TRPV4: variants seen among roughly 807,000 people sequenced by gnomAD.
TRPV4 encodes OSM9-like transient receptor potential channel 4.
Under a neutral mutation model 84.1 loss-of-function variants are expected in TRPV4, and 58 were observed. That is an observed-to-expected ratio of 0.69 (90% CI 0.56 to 0.86). The LOEUF (loss-of-function observed/expected upper bound fraction) is 0.86. Among genes scored for constraint, TRPV4 ranks in the 40% least tolerant of loss-of-function variants. The probability of loss-of-function intolerance (pLI) is 0.00; values close to 1 mark genes in which losing one functional copy is unlikely to be tolerated. For synonymous variants in TRPV4, 489 were observed against 500.9 expected (o/e 0.98, Z 0.32); for missense variants, 879 against 1,181.1 (o/e 0.74, Z 3.75).
intron 1 of TRPV4, among the ~76,000 whole-genome samples, chr12:109,818,257 C>T (rs146349040): frequency 2.6e-3 from 390 of 152,218 alleles, no homozygotes; most frequent in African/African-American, 9.1e-3. Flanking sequence ...GGCCACCTCA[C>T]CAGGCCTGCA....
rs2136411722 is a variant in TRPV4, at chr12:109,783,624, G to A, written c.2613C>T (p.Leu871=). 1 of 1,613,390 alleles carries A rather than the reference G, an allele frequency of 6.2e-7. No individual in the cohort carries two copies. The highest frequency in any genetic ancestry group is 1.3e-5 in the African/African-American group (1 of 75,058). Residue 871 remains leucine, a synonymous_variant, in exon 16 of 16, where the codon CTC becomes CTT. Transcript: ENST00000261740. This position sits in a 1 kb window ranked among gnomAD's most constrained non-coding sequence, Gnocchi z 4.6. ...AGCTGGGGCTGGGCTGCAGTCCCTA[G>A]AGCGGGGCGTCATCAGTCCTCCACT... ...PRKWRTDDAP[L]
At chr12:109,826,405 C>A (rs1276345160) in intron 1 of TRPV4, among the ~76,000 whole-genome samples, 1 of 152,100 alleles carries the variant, frequency 6.6e-6, no homozygotes, top group Non-Finnish European at 1.5e-5. Flanking sequence ...AAGTCAGTCC[C>A]GGGGGAAAGG....
chr12:109,784,898 C>A (rs897156335), intron 14 of TRPV4, among the ~76,000 whole-genome samples: 114 of 144,222 alleles, frequency 7.9e-4, no homozygotes, highest in African/African-American at 2.5e-3. Flanking sequence ...TATACACACA[C>A]AAAAAATTTG....
chr12:109,805,520 C>T (rs1891065119), intron 3 of TRPV4, among the ~76,000 whole-genome samples: 1 of 152,160 alleles, frequency 6.6e-6, no homozygotes, highest in Non-Finnish European at 1.5e-5. Context: ...TCTAAATTGA[C>T]AATTGCCAAA....
intron 4 of TRPV4, among the ~76,000 whole-genome samples, chr12:109,801,517 A>G (rs560529264): frequency 1.1e-3 from 164 of 152,164 alleles, no homozygotes; most frequent in African/African-American, 3.8e-3. Flanking sequence ...CCCTTCCACA[A>G]TGATTGTAAG....
rs1267140270 is a variant in TRPV4, at chr12:109,786,665, G to T, written c.2336+45C>A. Reference sequence around the variant, plus strand: ...AGCAGCAGGGGCCCCGAGCCAGTGGGGACAGTTCCGCCCTGCCATCCTGGC... The same window carrying T: ...AGCAGCAGGGGCCCCGAGCCAGTGGTGACAGTTCCGCCCTGCCATCCTGGC... On this transcript the variant is annotated intron_variant, in intron 14 of 15. Transcript: ENST00000261740. This position sits in a 1 kb window ranked among gnomAD's most constrained non-coding sequence, Gnocchi z 4.5. 6.2e-7 allele frequency: 1 copy of T among 1,611,834 alleles called. No homozygotes were observed. Among genetic ancestry groups the T allele is most frequent in the Non-Finnish European group, 8.5e-7 (1 of 1,179,638 alleles).
In TRPV4 at chr12:109,784,320, G is replaced by C. The variant is rs1238590299; in HGVS notation, c.2454C>G (p.Arg818=). 1.9e-6 allele frequency: 3 copies of C among 1,614,030 alleles called. No homozygotes were observed. Among genetic ancestry groups the C allele is most frequent in the African/African-American group, 2.7e-5 (2 of 74,918 alleles). ...YGFSHTVGRL[R]RDRWSSVVPR... ...CGCACCCGCCCCTCCACTCACCCCT[G>C]CGGAGGCGGCCCACGGTATGCGAGA... The change falls in exon 15 of 16, where the codon CGC becomes CGG. Residue 818 remains arginine (R), a synonymous_variant. Coordinates refer to ENST00000261740, the MANE Select transcript of TRPV4 (RefSeq NM_021625.5).
intron 13 of TRPV4, 111 bp downstream of exon 13, chr12:109,788,289 T>G: frequency 9.6e-7 from 1 of 1,041,346 alleles, no homozygotes; most frequent in East Asian, 2.6e-5. Flanking sequence ...GGAGGGAGAA[T>G]GAGAAGACAC....
In TRPV4 at chr12:109,805,201, C is replaced by G. The variant is rs369534079; in HGVS notation, c.560-2058G>C. On this transcript the variant is annotated intron_variant, in intron 3 of 15. Coordinates refer to ENST00000261740, the MANE Select transcript of TRPV4 (RefSeq NM_021625.5). ...TGCTTTGCTCACTATCATTCGGCCT[C>G]TGCCAAGCACAGTGCCTGGTATGTG... Among the ~76,000 whole-genome samples the G allele has an allele frequency of 9.3e-4, 142 of 152,402 alleles. 1 individual carries two copies. Among genetic ancestry groups the G allele is most frequent in the African/African-American group, 3.2e-3 (135 of 41,602 alleles).
chr12:109,792,264 A>T, intron 12 of TRPV4, 99 bp downstream of exon 12: 18 of 887,422 alleles, frequency 2.0e-5, no homozygotes, highest in Non-Finnish European at 2.7e-5. Context: ...AAAAAAAAAA[A>T]AGAACTCAGC....
Position 109,802,988 on chromosome 12 carries a change from C to T in TRPV4, c.712+3G>A, listed in dbSNP as rs1266573967. ...GGCACCCCTGCCCAGCCCGGGGCCC[C>T]ACCTCGATAGTAGATGTCACGGAAG... On this transcript the variant is annotated splice_donor_region_variant and intron_variant, in intron 4 of 15. Coordinates refer to ENST00000261740, the MANE Select transcript of TRPV4 (RefSeq NM_021625.5). 1 of 1,613,836 alleles carries T rather than the reference C, an allele frequency of 6.2e-7. No individual in the cohort carries two copies. The highest frequency in any genetic ancestry group is 2.2e-5 in the East Asian group (1 of 44,882).
At chr12:109,811,672 GAA>G (rs59349237) in intron 2 of TRPV4, among the ~76,000 whole-genome samples, 5,060 of 149,632 alleles carry the variant, frequency 0.034, 100 homozygotes, top group Middle Eastern at 0.062. Context: ...AAAAAAAAAA[GAA>G]AAAGAGACAT....
chr12:109,813,951 T>C (rs1243174219), intron 2 of TRPV4, among the ~76,000 whole-genome samples: 1 of 151,026 alleles, frequency 6.6e-6, no homozygotes, highest in African/African-American at 2.4e-5. Context: ...GATGGAAGGA[T>C]GATGTATAAA....
At chr12:109,802,866 CCATT>C (rs1890889318) in intron 4 of TRPV4, 121 bp downstream of exon 4, 1 of 933,782 alleles carries the variant, frequency 1.1e-6, no homozygotes, top group Admixed American at 1.9e-5. Flanking sequence ...ATCCATCCAT[CCATT>C]TGTCAGGTCC....
In TRPV4 at chr12:109,783,970, A is replaced by C. The variant is rs977678768; in HGVS notation, c.2459-192T>G. Reference sequence around the variant, plus strand: ...CTCCCCAGGAGAGAATGGAGGAACCAGGATTCAAGCCTGGAGCCGAATGCC... The same window carrying C: ...CTCCCCAGGAGAGAATGGAGGAACCCGGATTCAAGCCTGGAGCCGAATGCC... On this transcript the variant is annotated intron_variant, in intron 15 of 15. Coordinates refer to ENST00000261740, the MANE Select transcript of TRPV4 (RefSeq NM_021625.5). The surrounding 1 kb of genome is among the most constrained non-coding windows in gnomAD (Gnocchi z 4.6). 6.6e-6 allele frequency among the ~76,000 whole-genome samples: 1 copy of C among 152,210 alleles called. No individual in the cohort carries two copies. Among genetic ancestry groups the C allele is most frequent in the African/African-American group, 2.4e-5 (1 of 41,446 alleles).
In TRPV4 at chr12:109,786,002, C is replaced by T. The variant is rs1211347972; in HGVS notation, c.2336+708G>A. Among the ~76,000 whole-genome samples, 1 of 152,040 alleles carries T rather than the reference C, an allele frequency of 6.6e-6. No homozygotes were observed. The highest frequency in any genetic ancestry group is 1.5e-5 in the Non-Finnish European group (1 of 68,004). Reference sequence around the variant, plus strand: ...CACTCCAGCCTGAGCAACCCTGCCTCTAAAAACAAACAAAAAATGGAATTG... The same window carrying T: ...CACTCCAGCCTGAGCAACCCTGCCTTTAAAAACAAACAAAAAATGGAATTG... On this transcript the variant is annotated intron_variant, in intron 14 of 15. Coordinates refer to ENST00000261740, the MANE Select transcript of TRPV4 (RefSeq NM_021625.5). The surrounding 1 kb of genome is among the most constrained non-coding windows in gnomAD (Gnocchi z 4.5).
At position 109,786,577 on chromosome 12, in the gene TRPV4, A is replaced by G; in HGVS notation, c.2336+133T>C. 8.4e-7 allele frequency: 1 copy of G among 1,187,580 alleles called. No individual in the cohort carries two copies. Among genetic ancestry groups the G allele is most frequent in the Non-Finnish European group, 1.2e-6 (1 of 834,906 alleles). 73.6% of individuals were successfully genotyped at this position (1,187,580 alleles called of 1,614,324 possible). On this transcript the variant is annotated intron_variant, in intron 14 of 15. Coordinates refer to ENST00000261740, the MANE Select transcript of TRPV4 (RefSeq NM_021625.5). The surrounding 1 kb of genome is among the most constrained non-coding windows in gnomAD (Gnocchi z 4.5). ...GCCTGAGATCGCCTGGTGGAAATGA[A>G]CTCTGCTCGGGCCTCTTGGGGCCTC... is the stretch of plus-strand genomic sequence containing the variant.
rs561093180 is a variant in TRPV4, at chr12:109,791,631, C to T, written c.1891+732G>A. Among the ~76,000 whole-genome samples, 24 of 151,096 alleles carry T rather than the reference C, an allele frequency of 1.6e-4. No individual in the cohort carries two copies. The South Asian group carries it at 1.9e-3, about 12-fold the overall frequency. On this transcript the variant is annotated intron_variant, in intron 12 of 15. Transcript: ENST00000261740. ...CCGAGTAGCTGGGTCTATAGTTGCG[C>T]GCCACCATGCCTGTCTAATTTTTGT...
intron 1 of TRPV4, among the ~76,000 whole-genome samples, chr12:109,827,693 CAT>C (rs1227840365): frequency 1.5e-4 from 22 of 143,060 alleles, no homozygotes; most frequent in Admixed American, 1.5e-3. Flanking sequence ...TAGACATTCA[CAT>C]ACACACATAC....
Sources: gnomAD v4.1 joint callset for allele counts (sites outside exome capture counted in the v4.1 genomes callset) on GRCh38, gnomAD v4.1.1 for gene constraint, Gnocchi (gnomAD v3.1) non-coding constraint, MANE v1.5 for transcripts, NCBI Gene and HGNC (gene_info 2026-07-23, HGNC 2026-07-21) for gene names.